The following NOTCH2NLR variants were observed in gnomAD, a reference collection of about 807,000 sequenced individuals.
The protein encoded by NOTCH2NLR is notch 2 N-terminal like R, also known as notch 2 N-terminal like R (pseudogene).
A neutral mutation model predicts 35.6 loss-of-function variants in NOTCH2NLR; 33 were observed. That is an observed-to-expected ratio of 0.93 (90% CI 0.70 to 1.24). The LOEUF (loss-of-function observed/expected upper bound fraction) is 1.24. NOTCH2NLR is among the 50% of genes most tolerant of loss of function. The pLI is 0.00. For synonymous variants in NOTCH2NLR, 103 were observed against 141.0 expected, an observed-to-expected ratio of 0.73 and a Z score of 1.91; for missense variants, 276 against 362.2, an observed-to-expected ratio of 0.76 and a Z score of 1.93.
exon 3 of NOTCH2NLR, chr1:120,785,124 G>A (rs1651407081): frequency 6.9e-7 from 1 of 1,446,510 alleles, no homozygotes. Flanking sequence ...AGGACTGCCA[G>A]TACTCGACAC....
chr1:120,764,232 G>A (rs1427271985), intron 2 of NOTCH2NLR, among the ~76,000 whole-genome samples: 6 of 114,218 alleles, frequency 5.3e-5, no homozygotes, highest in Non-Finnish European at 8.4e-5. Context: ...GGGTGACAGA[G>A]CAAGACTCCG....
Position 120,764,224 on chromosome 1 carries a change from G to A in NOTCH2NLR, c.155+515G>A, listed in dbSNP as rs1414816714. Among the ~76,000 whole-genome samples, 2 of 114,954 alleles carry A rather than the reference G, an allele frequency of 1.7e-5. 1 individual carries two copies. Among genetic ancestry groups the A allele is most frequent in the Non-Finnish European group, 3.3e-5 (2 of 59,908 alleles). The allele number at this position is 114,954 out of a possible 152,430, so 75.4% of individuals were successfully genotyped here. A position where few individuals can be genotyped will look rare whatever the true frequency, so the allele number is the denominator to read the frequency against. ...ACCACATCATTGCACTCTAGCCTGG[G>A]TGACAGAGCAAGACTCCGTCTCAAA... On this transcript the variant is annotated intron_variant, in intron 2 of 4. Coordinates refer to ENST00000624419, the Ensembl canonical transcript of NOTCH2NLR.
chr1:120,727,831 T>C (rs1483264858), intron 1 of NOTCH2NLR, among the ~76,000 whole-genome samples: 2 of 117,562 alleles, frequency 1.7e-5, no homozygotes, highest in Non-Finnish European at 3.3e-5. Context: ...GCAAATGACT[T>C]GAAACCAAAA....
rs1402724104 is a variant in NOTCH2NLR at position 120,787,198 on chromosome 1, T to TTA, written c.415+1976_415+1977dup. Among the ~76,000 whole-genome samples, 46 of 82,942 alleles carry TTA rather than the reference T, an allele frequency of 5.5e-4. 9 individuals are homozygous for TTA. Among genetic ancestry groups the TTA allele is most frequent in the African/African-American group, 3.6e-3 (37 of 10,208 alleles). 54.4% of individuals were successfully genotyped at this position (82,942 alleles called of 152,430 possible). A position where few individuals can be genotyped will look rare whatever the true frequency, so the allele number is the denominator to read the frequency against. On this transcript the variant is annotated intron_variant, in intron 3 of 4. Coordinates refer to ENST00000624419, the Ensembl canonical transcript of NOTCH2NLR. ...CTTAATATATATATATTGGCAATCTTTATATATATATAAAGGAGAGTTTGT... is the reference window on the plus strand; with the variant it reads ...CTTAATATATATATATTGGCAATCTTTATATATATATATAAAGGAGAGTTTGT...
chr1:120,790,682 C>T (rs1359631229), intron 3 of NOTCH2NLR, among the ~76,000 whole-genome samples: 2 of 110,058 alleles, frequency 1.8e-5, no homozygotes, highest in East Asian at 2.2e-4. Flanking sequence ...TCACTGCAAC[C>T]TCCACCTCTT....
At chr1:120,791,377 G>A (rs1651492137) in intron 3 of NOTCH2NLR, among the ~76,000 whole-genome samples, 1 of 107,672 alleles carries the variant, frequency 9.3e-6, no homozygotes, top group Admixed American at 9.1e-5. Flanking sequence ...ATTCACAATA[G>A]CAAAGAGTTG....
Position 120,777,799 on chromosome 1 carries a change from G to T in NOTCH2NLR, c.156-7175G>T, listed in dbSNP as rs1430160717. Among the ~76,000 whole-genome samples the T allele has an allele frequency of 2.8e-5, 3 of 107,510 alleles. 1 individual carries two copies. Among genetic ancestry groups the T allele is most frequent in the Non-Finnish European group, 5.2e-5 (3 of 57,780 alleles). The allele number at this position is 107,510 out of a possible 152,430, so 70.5% of individuals were successfully genotyped here. A position where few individuals can be genotyped will look rare whatever the true frequency, so the allele number is the denominator to read the frequency against. On this transcript the variant is annotated intron_variant, in intron 2 of 4. Coordinates refer to ENST00000624419, the Ensembl canonical transcript of NOTCH2NLR. ...CATGCATGTTTTTAAAACAAAGTTG[G>T]TAATTAGCATAACCTAGTTAGTTAC...
chr1:120,784,433 C>T (rs1651399515), intron 2 of NOTCH2NLR, among the ~76,000 whole-genome samples: 1 of 117,296 alleles, frequency 8.5e-6, no homozygotes, highest in South Asian at 2.5e-4. Flanking sequence ...TGCTGTTTCT[C>T]AAACACGCTA....
chr1:120,790,587 TC>T lies in NOTCH2NLR; in HGVS notation c.416-2573del, dbSNP rs1651480098. ...TTCTTTCTTTCTTTCTTTCTTTCTTTCTTTCTCTTTCTCTCTCTTTCCCTCT... is the reference window on the plus strand; with the variant it reads ...TTCTTTCTTTCTTTCTTTCTTTCTTTTTTCTCTTTCTCTCTCTTTCCCTCT... On this transcript the variant is annotated intron_variant, in intron 3 of 4. Coordinates refer to ENST00000624419, the Ensembl canonical transcript of NOTCH2NLR. Among the ~76,000 whole-genome samples, 24 of 105,130 alleles carry T rather than the reference TC, an allele frequency of 2.3e-4. 1 individual carries two copies. Among genetic ancestry groups the T allele is most frequent in the Non-Finnish European group, 3.7e-4 (21 of 56,632 alleles). 69.0% of individuals were successfully genotyped at this position (105,130 alleles called of 152,430 possible).
intron 4 of NOTCH2NLR, 90 bp downstream of exon 4, chr1:120,793,586 G>A (rs878887050): frequency 0.014 from 14,452 of 1,009,624 alleles, 2,404 homozygotes; most frequent in Non-Finnish European, 0.016. Flanking sequence ...TTTAGGAAGC[G>A]CAAGGAAAAA....
At chr1:120,790,776 T>A (rs1317152632) in intron 3 of NOTCH2NLR, among the ~76,000 whole-genome samples, 1 of 107,656 alleles carries the variant, frequency 9.3e-6, no homozygotes. Flanking sequence ...ATTTTTGTAT[T>A]TTTAGAAAAG....
In NOTCH2NLR at chr1:120,727,812, C is replaced by T. The variant is rs1477359652; in HGVS notation, c.73+3562C>T. Among the ~76,000 whole-genome samples, 99 of 117,784 alleles carry T rather than the reference C, an allele frequency of 8.4e-4. 21 individuals are homozygous for T. The South Asian group carries it at 0.011, about 13-fold the overall frequency. 77.3% of individuals were successfully genotyped at this position (117,784 alleles called of 152,430 possible). A position where few individuals can be genotyped will look rare whatever the true frequency, so the allele number is the denominator to read the frequency against. ...TGATTTTCCTGTTTTTGTTTCCCCC[C>T]CTTTCTCTGCAAATGACTTGAAACC... On this transcript the variant is annotated intron_variant, in intron 1 of 4. Coordinates refer to ENST00000624419, the Ensembl canonical transcript of NOTCH2NLR.
At chr1:120,753,118 T>C (rs1571022223) in intron 1 of NOTCH2NLR, among the ~76,000 whole-genome samples, 1 of 43,490 alleles carries the variant, frequency 2.3e-5, no homozygotes, top group South Asian at 8.7e-4. Context: ...ATGGCACATG[T>C]ATACATATGT....
chr1:120,778,603 C>T (rs2101439707), intron 2 of NOTCH2NLR, among the ~76,000 whole-genome samples: 1 of 22,900 alleles, frequency 4.4e-5, no homozygotes, highest in Non-Finnish European at 7.1e-5. Context: ...TGGCCAAATC[C>T]TCGTTTTAAA....
chr1:120,760,466 C>T (rs1235341214), intron 1 of NOTCH2NLR, among the ~76,000 whole-genome samples: 2 of 124,124 alleles, frequency 1.6e-5, no homozygotes, highest in East Asian at 4.0e-4. Flanking sequence ...AGCCACTGTG[C>T]CCAGCCTATC....
Position 120,743,527 on chromosome 1 carries a change from TTTTAATATCTGGTTATC to T in NOTCH2NLR, c.73+19297_73+19313del, listed in dbSNP as rs1571020861. 1.7e-5 allele frequency among the ~76,000 whole-genome samples: 2 copies of T among 117,040 alleles called. 1 individual carries two copies. The highest frequency in any genetic ancestry group is 5.0e-4 in the South Asian group (2 of 4,036). The allele number at this position is 117,040 out of a possible 152,430, so 76.8% of individuals were successfully genotyped here. A position where few individuals can be genotyped will look rare whatever the true frequency, so the allele number is the denominator to read the frequency against. ...CACATTACAAACTTTAACTTTGGAG[TTTTAATATCTGGTTATC>T]TTTAATATCTGGTTATCTTCTTTCT... On this transcript the variant is annotated intron_variant, in intron 1 of 4. Coordinates refer to ENST00000624419, the Ensembl canonical transcript of NOTCH2NLR.
rs1232163913 is a variant in NOTCH2NLR, at chr1:120,793,306, C to T, written c.561C>T (p.Asp187=). ...GTGAGACTGATGTCAATGAGTGTGA[C>T]ATTCCAGGACACTGCCAGCATGGTG... The change falls in exon 4 of 5, where the codon GAC becomes GAT. Residue 187 remains aspartate (D), a synonymous_variant. Transcript: ENST00000624419. 8 of 1,399,904 alleles carry T rather than the reference C, an allele frequency of 5.7e-6. 2 individuals carry two copies. In the East Asian group the frequency reaches 1.2e-4, roughly 21 times the overall value. The allele number at this position is 1,399,904 out of a possible 1,614,324, so 86.7% of individuals were successfully genotyped here. A position where few individuals can be genotyped will look rare whatever the true frequency, so the allele number is the denominator to read the frequency against.
chr1:120,769,560 A>T (rs1651237296), intron 2 of NOTCH2NLR, among the ~76,000 whole-genome samples: 1 of 123,448 alleles, frequency 8.1e-6, no homozygotes, highest in African/African-American at 4.1e-5. Context: ...TCTTTTTAAC[A>T]TAAAACAAAG....
intron 2 of NOTCH2NLR, among the ~76,000 whole-genome samples, chr1:120,769,570 G>T (rs1348221259): frequency 8.2e-6 from 1 of 122,522 alleles, no homozygotes. Flanking sequence ...ATAAAACAAA[G>T]AATGCTGTTT....
Sources: gnomAD v4.1 joint callset for allele counts (sites outside exome capture counted in the v4.1 genomes callset) on GRCh38, gnomAD v4.1.1 for gene constraint, MANE v1.5 for transcripts, NCBI Gene and HGNC (gene_info 2026-07-23, HGNC 2026-07-21) for gene names.